ZCCHC7: variants seen among roughly 807,000 people sequenced by gnomAD.
ZCCHC7 encodes zinc finger CCHC-type containing 7.
In ZCCHC7, 35 loss-of-function variants were observed where a neutral mutation model predicts 52.0. That is an observed-to-expected ratio of 0.67 (90% CI 0.51 to 0.89). The LOEUF (loss-of-function observed/expected upper bound fraction) is 0.89, where lower values mean the gene tolerates loss of function less well. Ranked by LOEUF, ZCCHC7 falls within the 40% of genes least tolerant of loss-of-function variation. The probability of loss-of-function intolerance (pLI) is 0.00; values close to 1 mark genes in which losing one functional copy is unlikely to be tolerated. For synonymous variants in ZCCHC7, 217 were observed against 221.5 expected, an observed-to-expected ratio of 0.98 and a Z score of 0.18; for missense variants, 574 against 649.1, an observed-to-expected ratio of 0.88 and a Z score of 1.26.
chr9:37,285,431 T>G (rs939168460), intron 2 of ZCCHC7, among the ~76,000 whole-genome samples: 1 of 152,184 alleles, frequency 6.6e-6, no homozygotes, highest in African/African-American at 2.4e-5. Flanking sequence ...TCCTGACATT[T>G]TCTTGTCTTT....
At chr9:37,249,497 C>T (rs1361428578) in intron 2 of ZCCHC7, among the ~76,000 whole-genome samples, 3 of 127,148 alleles carry the variant, frequency 2.4e-5, no homozygotes, top group Non-Finnish European at 1.6e-5. Flanking sequence ...GTTTAGACAG[C>T]GTCTTGCCCT....
intron 2 of ZCCHC7, among the ~76,000 whole-genome samples, chr9:37,243,179 C>T (rs1280688977): frequency 6.6e-6 from 1 of 151,720 alleles, no homozygotes; most frequent in East Asian, 1.9e-4. Flanking sequence ...CAAATTAATA[C>T]AGCTTTTAAA....
intron 2 of ZCCHC7, among the ~76,000 whole-genome samples, chr9:37,241,200 A>G (rs975442172): frequency 2.1e-4 from 32 of 151,802 alleles, no homozygotes; most frequent in African/African-American, 7.0e-4. Context: ...AGCTATTTAG[A>G]TAAGTCCCAG....
intron 2 of ZCCHC7, among the ~76,000 whole-genome samples, chr9:37,144,560 A>G (rs989909927): frequency 1.3e-5 from 2 of 151,992 alleles, no homozygotes; most frequent in African/African-American, 4.8e-5. Context: ...TTAGTGATCC[A>G]TCTTGGTACT....
At position 37,278,037 on chromosome 9, in the gene ZCCHC7, T is replaced by TG. The variant is rs1554723030; in HGVS notation, c.611-24151_611-24150insG. The stretch of plus-strand genomic sequence containing the variant: ...GTTTGTGTGTGTGTGTGTGTGTGTG[T>TG]TTTGTTTTGTTTTGTTTTGTTTTGT... On this transcript the variant is annotated intron_variant, in intron 2 of 8. Transcript: ENST00000336755. Among the ~76,000 whole-genome samples, 151 of 82,486 alleles carry TG rather than the reference T, an allele frequency of 1.8e-3. 1 individual carries two copies. The highest frequency in any genetic ancestry group is 8.6e-3 in the African/African-American group (138 of 16,124). 54.1% of individuals were successfully genotyped at this position (82,486 alleles called of 152,430 possible).
At chr9:37,338,633 A>C (rs891569622) in intron 6 of ZCCHC7, among the ~76,000 whole-genome samples, 4 of 152,146 alleles carry the variant, frequency 2.6e-5, no homozygotes, top group Non-Finnish European at 4.4e-5. Flanking sequence ...ACTCTTTAAG[A>C]ATCTTTTTTC....
intron 2 of ZCCHC7, among the ~76,000 whole-genome samples, chr9:37,274,331 C>CTTTTTT (rs10653910): frequency 2.6e-5 from 2 of 76,680 alleles, no homozygotes; most frequent in Admixed American, 1.7e-4. Flanking sequence ...TATCTAATTT[C>CTTTTTT]TTTTTTTTTT....
At chr9:37,330,441 C>T (rs982617247) in intron 6 of ZCCHC7, among the ~76,000 whole-genome samples, 1 of 151,558 alleles carries the variant, frequency 6.6e-6, no homozygotes, top group African/African-American at 2.4e-5. Context: ...TACATATACA[C>T]AAACATCCAT....
At chr9:37,348,715 G>T (rs994166188) in intron 6 of ZCCHC7, among the ~76,000 whole-genome samples, 1 of 152,126 alleles carries the variant, frequency 6.6e-6, no homozygotes, top group Non-Finnish European at 1.5e-5. Context: ...CTTAAAACTG[G>T]ATAAAGCTCA....
At chr9:37,228,677 A>G (rs1325897508) in intron 2 of ZCCHC7, among the ~76,000 whole-genome samples, 2 of 151,976 alleles carry the variant, frequency 1.3e-5, no homozygotes, top group Non-Finnish European at 2.9e-5. Context: ...CCTGATTTTT[A>G]AAATCTGATG....
At chr9:37,296,501 A>C (rs1828788058) in intron 2 of ZCCHC7, among the ~76,000 whole-genome samples, 2 of 152,042 alleles carry the variant, frequency 1.3e-5, no homozygotes, top group African/African-American at 4.8e-5. Flanking sequence ...TTTTGGTTTC[A>C]TGATGCAAGT....
intron 8 of ZCCHC7, among the ~76,000 whole-genome samples, chr9:37,356,529 TTGGTCAGACATGA>T (rs1219726353): frequency 6.6e-6 from 1 of 152,252 alleles, no homozygotes; most frequent in Non-Finnish European, 1.5e-5. Context: ...GAAACTCGTA[TTGGTCAGACATGA>T]CTTTTCTTCA....
chr9:37,123,606 C>T (rs1267699336), intron 1 of ZCCHC7, among the ~76,000 whole-genome samples: 1 of 152,112 alleles, frequency 6.6e-6, no homozygotes, highest in Non-Finnish European at 1.5e-5. Flanking sequence ...GGGATGGCTG[C>T]AAGAGTAGTA....
intron 2 of ZCCHC7, among the ~76,000 whole-genome samples, chr9:37,155,914 C>T (rs903281898): frequency 2.0e-5 from 3 of 152,138 alleles, no homozygotes; most frequent in Non-Finnish European, 4.4e-5. Context: ...ACTAGATAAA[C>T]CTACAAAGGT....
At chr9:37,326,419 A>T (rs1830241473) in intron 5 of ZCCHC7, among the ~76,000 whole-genome samples, 1 of 151,526 alleles carries the variant, frequency 6.6e-6, no homozygotes, top group Non-Finnish European at 1.5e-5. Flanking sequence ...TTTAGTTTCC[A>T]GGAATTTGAT....
At chr9:37,225,360 T>C (rs1825040154) in intron 2 of ZCCHC7, among the ~76,000 whole-genome samples, 1 of 152,158 alleles carries the variant, frequency 6.6e-6, no homozygotes, top group Non-Finnish European at 1.5e-5. Context: ...AGTAGTATAT[T>C]ATATCACACT....
At chr9:37,127,251 C>G (rs972498956) in intron 2 of ZCCHC7, among the ~76,000 whole-genome samples, 2 of 152,124 alleles carry the variant, frequency 1.3e-5, no homozygotes, top group African/African-American at 2.4e-5. Context: ...TCTCTCTCTG[C>G]TTGGTACCAC....
chr9:37,184,618 A>G (rs781141558), intron 2 of ZCCHC7, among the ~76,000 whole-genome samples: 1 of 152,038 alleles, frequency 6.6e-6, no homozygotes, highest in African/African-American at 2.4e-5. Flanking sequence ...AGCTTTATTT[A>G]TTGATCTGAC....
intron 2 of ZCCHC7, among the ~76,000 whole-genome samples, chr9:37,233,174 T>A (rs536428848): frequency 6.6e-6 from 1 of 152,342 alleles, no homozygotes; most frequent in African/African-American, 2.4e-5. Context: ...ATATTTTAAG[T>A]CAAAAATTTA....
Sources: allele counts gnomAD v4.1 joint callset (sites outside exome capture counted in the v4.1 genomes callset), GRCh38; gene constraint gnomAD v4.1.1; transcripts MANE v1.5; gene names NCBI Gene and HGNC (gene_info 2026-07-23, HGNC 2026-07-21).